Variants in ZBTB16 observed in about 807,000 individuals in gnomAD.
ZBTB16 encodes zinc finger and BTB domain containing 16.
ZBTB16 carries 8 observed loss-of-function variants against 56.8 expected under a neutral mutation model. The observed-to-expected ratio is 0.14, with a 90% CI of 0.08 to 0.25. The LOEUF (loss-of-function observed/expected upper bound fraction) is 0.25, where lower values mean the gene tolerates loss of function less well. ZBTB16 is among the 10% of genes least tolerant of loss of function. The pLI is 1.00. For synonymous variants in ZBTB16, 363 were observed against 368.5 expected (o/e 0.98, Z 0.17); for missense variants, 625 against 903.0 (o/e 0.69, Z 3.95).
chr11:114,244,021 C>T (rs1944767094), intron 5 of ZBTB16, among the ~76,000 whole-genome samples: 1 of 152,130 alleles, frequency 6.6e-6, no homozygotes, highest in African/African-American at 2.4e-5. Flanking sequence ...AGAGAAACAC[C>T]CATCAATTTT....
chr11:114,199,077 G>A (rs191343110), intron 4 of ZBTB16, among the ~76,000 whole-genome samples: 14 of 152,384 alleles, frequency 9.2e-5, no homozygotes, highest in South Asian at 2.1e-4. Flanking sequence ...AGTGTTTCTC[G>A]ATGCCAGACA....
At chr11:114,178,924 C>A (rs1230035436) in intron 3 of ZBTB16, among the ~76,000 whole-genome samples, 2 of 152,300 alleles carry the variant, frequency 1.3e-5, no homozygotes, top group East Asian at 3.9e-4. Context: ...TAAAAACCAC[C>A]TGTCCTCCAT....
In ZBTB16 at chr11:114,256,025, T is replaced by G; in HGVS notation, c.*5470T>G. On this transcript the variant is annotated 3_prime_UTR_variant, in exon 7 of 7. Coordinates refer to ENST00000335953, the MANE Select transcript of ZBTB16 (RefSeq NM_006006.6). The stretch of plus-strand genomic sequence containing the variant: ...TTGAAGTACTTGGTTTTGTTTTGTT[T>G]TTTTTTTTTGTTTTTTTTGCCTTTT... 8.6e-6 allele frequency among the ~76,000 whole-genome samples: 1 copy of G among 116,134 alleles called. No homozygotes were observed. The highest frequency in any genetic ancestry group is 2.8e-4 in the South Asian group (1 of 3,546). 76.2% of individuals were successfully genotyped at this position (116,134 alleles called of 152,430 possible). A position where few individuals can be genotyped will look rare whatever the true frequency, so the allele number is the denominator to read the frequency against.
chr11:114,150,681 G>A (rs140373463), intron 2 of ZBTB16, among the ~76,000 whole-genome samples: 38 of 152,304 alleles, frequency 2.5e-4, no homozygotes, highest in African/African-American at 8.9e-4. Flanking sequence ...GACGTTGAAA[G>A]TGTGTTTTTG....
At chr11:114,187,297 T>C (rs2135061590) in intron 4 of ZBTB16, 1 of 570,122 alleles carries the variant, frequency 1.8e-6, no homozygotes, top group South Asian at 1.9e-5. Context: ...AACCAGCCAC[T>C]GAGAGCTCAT....
At chr11:114,241,527 T>C (rs1341086205) in intron 4 of ZBTB16, among the ~76,000 whole-genome samples, 1 of 152,214 alleles carries the variant, frequency 6.6e-6, no homozygotes, top group East Asian at 1.9e-4. Flanking sequence ...AGTCTAATGA[T>C]AAATGTAATG....
intron 2 of ZBTB16, among the ~76,000 whole-genome samples, chr11:114,089,739 A>G (rs974572840): frequency 6.6e-6 from 1 of 152,196 alleles, no homozygotes; most frequent in South Asian, 2.1e-4. Flanking sequence ...GAGTTAGTCA[A>G]TGTGCTGTGC....
intron 2 of ZBTB16, among the ~76,000 whole-genome samples, chr11:114,118,239 C>T (rs755464009): frequency 7.2e-5 from 11 of 152,088 alleles, no homozygotes; most frequent in Non-Finnish European, 1.3e-4. Context: ...TGCAGTGGTG[C>T]GATCCTGGCT....
chr11:114,247,118 A>G, intron 5 of ZBTB16, 80 bp from the exon 6 acceptor site: 1 of 1,596,810 alleles, frequency 6.3e-7, no homozygotes, highest in Non-Finnish European at 8.6e-7. Context: ...CATCCTTCTC[A>G]TGCACAGAAT....
chr11:114,100,655 T>G (rs1253567750), intron 2 of ZBTB16, among the ~76,000 whole-genome samples: 1 of 152,206 alleles, frequency 6.6e-6, no homozygotes, highest in African/African-American at 2.4e-5. Flanking sequence ...CTGGCAAGTC[T>G]GGCCCCTTTC....
chr11:114,107,111 C>T (rs1345272063), intron 2 of ZBTB16, among the ~76,000 whole-genome samples: 1 of 152,106 alleles, frequency 6.6e-6, no homozygotes, highest in African/African-American at 2.4e-5. Context: ...CCACGAGGCG[C>T]CAGGGCCCTG....
chr11:114,105,893 G>A lies in ZBTB16; in HGVS notation c.1268+41325G>A, dbSNP rs78661772. 3.8e-3 allele frequency among the ~76,000 whole-genome samples: 582 copies of A among 152,244 alleles called. 6 individuals carry two copies. The highest frequency in any genetic ancestry group is 0.013 in the African/African-American group (553 of 41,542). On this transcript the variant is annotated intron_variant, in intron 2 of 6. Coordinates refer to ENST00000335953, the MANE Select transcript of ZBTB16 (RefSeq NM_006006.6). ...GGATTGGGGTAGCCCAGATCACCAGGGGAAAGTGGTTTTTCTTCATTTAGC... is the reference window on the plus strand; with the variant it reads ...GGATTGGGGTAGCCCAGATCACCAGAGGAAAGTGGTTTTTCTTCATTTAGC...
chr11:114,185,541 T>C (rs186310903), intron 3 of ZBTB16, among the ~76,000 whole-genome samples: 65 of 152,312 alleles, frequency 4.3e-4, no homozygotes, highest in African/African-American at 1.5e-3. Flanking sequence ...TGTATCTTCT[T>C]GAGTAAGAAC....
Position 114,256,031 on chromosome 11 carries a change from T to G in ZBTB16, c.*5476T>G, listed in dbSNP as rs535033175. The stretch of plus-strand genomic sequence containing the variant: ...TACTTGGTTTTGTTTTGTTTTTTTT[T>G]TTTGTTTTTTTTGCCTTTTCTTGTG... On this transcript the variant is annotated 3_prime_UTR_variant, in exon 7 of 7. Coordinates refer to ENST00000335953, the MANE Select transcript of ZBTB16 (RefSeq NM_006006.6). Among the ~76,000 whole-genome samples, 7 of 119,878 alleles carry G rather than the reference T, an allele frequency of 5.8e-5. No individual in the cohort carries two copies. The highest frequency in any genetic ancestry group is 3.4e-4 in the East Asian group (1 of 2,908). The allele number at this position is 119,878 out of a possible 152,430, so 78.6% of individuals were successfully genotyped here.
chr11:114,089,425 G>T (rs764142614), intron 2 of ZBTB16, among the ~76,000 whole-genome samples: 5 of 152,176 alleles, frequency 3.3e-5, no homozygotes, highest in Non-Finnish European at 7.3e-5. Context: ...TAGGAAGATT[G>T]GAAGATCATT....
At chr11:114,249,771 C>CAAATAAAAAAAAA (rs1944884862) in intron 6 of ZBTB16, among the ~76,000 whole-genome samples, 1 of 59,336 alleles carries the variant, frequency 1.7e-5, no homozygotes, top group Admixed American at 2.4e-4. Context: ...GACTCCGTCT[C>CAAATAAAAAAAAA]AAAAAAAAAA....
At chr11:114,189,283 A>G (rs895844930) in intron 4 of ZBTB16, 6 of 152,250 alleles carry the variant, frequency 3.9e-5, no homozygotes, top group Non-Finnish European at 7.3e-5. Context: ...CTGAACAGAC[A>G]TGTCTCCAAA....
At chr11:114,154,577 A>G (rs1011729423) in intron 2 of ZBTB16, among the ~76,000 whole-genome samples, 1 of 152,226 alleles carries the variant, frequency 6.6e-6, no homozygotes, top group Non-Finnish European at 1.5e-5. Context: ...CTATTAGGAC[A>G]TGTCCCAGTG....
At position 114,242,254 on chromosome 11, in the gene ZBTB16, G is replaced by C; in HGVS notation, c.1541G>C (p.Gly514Ala). Residue 514 changes from glycine (G) to alanine (A), a missense_variant, in exon 5 of 7, where the codon GGC becomes GCC. Gly to Ala is a moderately conservative substitution (Grantham distance 60). Around this residue, in one of 6 missense-constraint regions of ZBTB16, gnomAD observed 140 missense variants for 214.8 expected, o/e 0.65. Transcript: ENST00000335953. ...CAGCAGCACATGGAGGTCCACGCGG[G>C]CGTGCGCAGCTACATCTGCAGTGAG... ...ALQQHMEVHA[G>A]VRSYICSECN... The C allele has an allele frequency of 6.2e-7, 1 of 1,614,062 alleles. No individual in the cohort carries two copies. Among genetic ancestry groups the C allele is most frequent in the Non-Finnish European group, 8.5e-7 (1 of 1,180,032 alleles).
Sources: allele counts gnomAD v4.1 joint callset (sites outside exome capture counted in the v4.1 genomes callset), GRCh38; gene constraint gnomAD v4.1.1; regional missense constraint gnomAD v4.1.1; transcripts MANE v1.5; gene names NCBI Gene and HGNC (gene_info 2026-07-23, HGNC 2026-07-21).